ST6GAL1: variants seen among roughly 807,000 people sequenced by gnomAD.
The protein encoded by ST6GAL1 is ST6 beta-galactoside alpha-2,6-sialyltransferase 1, also known as beta-galactoside alpha-2,6-sialyltransferase 1.
Under a neutral mutation model 38.0 loss-of-function variants are expected in ST6GAL1, and 20 were observed. The observed-to-expected ratio is 0.53, with a 90% confidence interval of 0.37 to 0.77. The LOEUF (loss-of-function observed/expected upper bound fraction) is 0.77, where lower values mean the gene tolerates loss of function less well. Ranked by LOEUF, ST6GAL1 falls within the 30% of genes least tolerant of loss-of-function variation. The probability of loss-of-function intolerance (pLI) is 0.00; values close to 1 mark genes in which losing one functional copy is unlikely to be tolerated. For missense variants in ST6GAL1, 432 were observed against 496.4 expected (o/e 0.87, Z 1.23); for synonymous variants, 196 against 188.2 (o/e 1.04, Z -0.34).
intron 5 of ST6GAL1, among the ~76,000 whole-genome samples, chr3:187,057,931 G>C (rs257105): frequency 0.29 from 43,769 of 152,156 alleles, 7,245 homozygotes; most frequent in South Asian, 0.38. Flanking sequence ...AGGCCTGGCT[G>C]ACCTGCAGTG....
At chr3:187,054,685 C>T (rs1042454362) in intron 5 of ST6GAL1, among the ~76,000 whole-genome samples, 9 of 152,156 alleles carry the variant, frequency 5.9e-5, no homozygotes, top group Non-Finnish European at 1.2e-4. Flanking sequence ...TGATGCACTG[C>T]TGGATTTGGT....
rs561078142 is a variant in ST6GAL1, at chr3:187,009,795, G to A, written c.-182-28947G>A. Among the ~76,000 whole-genome samples, 10 of 152,228 alleles carry A rather than the reference G, an allele frequency of 6.6e-5. No homozygotes were observed. In the South Asian group the frequency reaches 1.5e-3, roughly 22 times the overall value. On this transcript the variant is annotated intron_variant, in intron 2 of 7. Coordinates refer to ENST00000169298, the MANE Select transcript of ST6GAL1 (RefSeq NM_173216.2). ...CTGAGGCGGGTGGATCATGAGGTCA[G>A]GAGTTCAAGACCACCCTGGCCAAGA...
chr3:186,960,984 T>G (rs1193785054), intron 1 of ST6GAL1, among the ~76,000 whole-genome samples: 2 of 151,142 alleles, frequency 1.3e-5, no homozygotes, highest in African/African-American at 2.4e-5. Flanking sequence ...TTTTTTTTTT[T>G]TTTTAGATAG....
chr3:187,062,409 T>G (rs1718948742), intron 5 of ST6GAL1, among the ~76,000 whole-genome samples: 1 of 152,156 alleles, frequency 6.6e-6, no homozygotes, highest in Admixed American at 6.5e-5. Context: ...TTATTCACAA[T>G]AGCTGGACTG....
At chr3:187,034,524 G>A (rs745546260) in intron 2 of ST6GAL1, among the ~76,000 whole-genome samples, 9 of 152,064 alleles carry the variant, frequency 5.9e-5, no homozygotes, top group South Asian at 2.1e-4. Flanking sequence ...CTAGCATACC[G>A]AATCCAGCAG....
Position 186,983,531 on chromosome 3 carries a change from C to G in ST6GAL1, c.-183+19605C>G, listed in dbSNP as rs565211714. 1.6e-4 allele frequency among the ~76,000 whole-genome samples: 25 copies of G among 151,914 alleles called. No homozygotes were observed. In the South Asian group the frequency reaches 5.2e-3, roughly 32 times the overall value. ...GCGTGGACAGTGATCCAGGGGCACT[C>G]AGGGTGAGGGATGAGTTGAATATGA... On this transcript the variant is annotated intron_variant, in intron 2 of 7. Transcript: ENST00000169298.
intron 1 of ST6GAL1, chr3:186,931,487 G>C (rs1713750514): frequency 1.3e-5 from 2 of 152,424 alleles, no homozygotes; most frequent in South Asian, 4.1e-4. Flanking sequence ...GGCTGAGTCG[G>C]TCCCCGGCCG....
At chr3:186,970,176 G>A (rs1372459736) in intron 2 of ST6GAL1, among the ~76,000 whole-genome samples, 2 of 151,356 alleles carry the variant, frequency 1.3e-5, no homozygotes, top group Non-Finnish European at 2.9e-5. Context: ...GGCATCCCTA[G>A]AATCAAGATA....
rs187379908 is a variant in ST6GAL1 at position 186,961,267 on chromosome 3, C to T, written c.-324-2518C>T. On this transcript the variant is annotated intron_variant, in intron 1 of 7. Transcript: ENST00000169298. ...CTGGGATTACTGGCATGAGCCACTG[C>T]GCCCGGCCCCATCACTTGATCTTGT... 1.1e-4 allele frequency among the ~76,000 whole-genome samples: 16 copies of T among 152,292 alleles called. No homozygotes were observed. In the South Asian group the frequency reaches 1.7e-3, roughly 16 times the overall value.
chr3:187,070,639 G>C (rs555045187), intron 5 of ST6GAL1, among the ~76,000 whole-genome samples: 1 of 151,836 alleles, frequency 6.6e-6, no homozygotes, highest in Non-Finnish European at 1.5e-5. Flanking sequence ...TGGCCAGGAT[G>C]GTCTCAATCT....
At chr3:187,067,881 T>C (rs1383271044) in intron 5 of ST6GAL1, among the ~76,000 whole-genome samples, 1 of 152,158 alleles carries the variant, frequency 6.6e-6, no homozygotes, top group Non-Finnish European at 1.5e-5. Flanking sequence ...TGGGTCTGAA[T>C]TTAATACCTT....
At chr3:186,936,951 A>G (rs572573061) in intron 1 of ST6GAL1, among the ~76,000 whole-genome samples, 2 of 151,488 alleles carry the variant, frequency 1.3e-5, no homozygotes, top group African/African-American at 2.4e-5. Context: ...AAAAAAAAAA[A>G]AAAAAAAAAA....
At chr3:187,068,754 A>G (rs1036239753) in intron 5 of ST6GAL1, among the ~76,000 whole-genome samples, 1 of 152,206 alleles carries the variant, frequency 6.6e-6, no homozygotes, top group Non-Finnish European at 1.5e-5. Flanking sequence ...AATCCCAGTT[A>G]TTGCTATTCC....
chr3:187,044,120 A>G (rs1718218771), intron 4 of ST6GAL1, among the ~76,000 whole-genome samples: 1 of 152,246 alleles, frequency 6.6e-6, no homozygotes, highest in African/African-American at 2.4e-5. Context: ...TTTCAGAGTC[A>G]CTGGTCACAA....
intron 2 of ST6GAL1, among the ~76,000 whole-genome samples, chr3:187,013,073 AC>A (rs1717008312): frequency 6.6e-6 from 1 of 152,240 alleles, no homozygotes; most frequent in South Asian, 2.1e-4. Flanking sequence ...ATGATTCTGT[AC>A]CAGTCACGAA....
At chr3:187,041,093 T>G (rs1718110471) in intron 3 of ST6GAL1, among the ~76,000 whole-genome samples, 1 of 152,210 alleles carries the variant, frequency 6.6e-6, no homozygotes, top group Non-Finnish European at 1.5e-5. Flanking sequence ...CTGTTCAGAA[T>G]ACCTTCTGTG....
chr3:187,060,901 G>A (rs1368950968), intron 5 of ST6GAL1, among the ~76,000 whole-genome samples: 5 of 152,158 alleles, frequency 3.3e-5, no homozygotes, highest in Non-Finnish European at 5.9e-5. Flanking sequence ...TAAATGACAC[G>A]TTGTTCTGAG....
chr3:187,046,388 T>C (rs1238690138), intron 4 of ST6GAL1, among the ~76,000 whole-genome samples: 1 of 152,184 alleles, frequency 6.6e-6, no homozygotes, highest in Admixed American at 6.5e-5. Context: ...TGGGTAGATA[T>C]CTATGCTGTT....
Position 187,051,284 on chromosome 3 carries a change from C to A in ST6GAL1, c.643C>A (p.Pro215Thr). ...CGCAGTCCTGAGGTTTAATGGGGCACCCACAGCCAACTTCCAACAAGATGT... is the reference window on the plus strand; with the variant it reads ...CGCAGTCCTGAGGTTTAATGGGGCAACCACAGCCAACTTCCAACAAGATGT... ...HDAVLRFNGA[P>T]TANFQQDVGT... Residue 215 changes from proline (P) to threonine (T), a missense_variant, in exon 5 of 8, where the codon CCC becomes ACC. Pro to Thr is a conservative substitution (Grantham distance 38). Transcript: ENST00000169298. The A allele has an allele frequency of 6.2e-7, 1 of 1,614,096 alleles. No individual in the cohort carries two copies. Among genetic ancestry groups the A allele is most frequent in the Non-Finnish European group, 8.5e-7 (1 of 1,180,022 alleles).
Sources: gnomAD v4.1 joint callset for allele counts (sites outside exome capture counted in the v4.1 genomes callset) on GRCh38, gnomAD v4.1.1 for gene constraint, MANE v1.5 for transcripts, NCBI Gene and HGNC (gene_info 2026-07-23, HGNC 2026-07-21) for gene names.